Variants in MSRA observed in about 807,000 individuals in gnomAD.
MSRA encodes the protein mitochondrial peptide methionine sulfoxide reductase.
Under a neutral mutation model 31.3 loss-of-function variants are expected in MSRA, and 54 were observed. That is an observed-to-expected ratio of 1.73 (90% CI 1.39 to 2.17). The LOEUF is 2.17. MSRA is among the 30% of genes most tolerant of loss of function. The pLI is 0.00. For synonymous variants in MSRA, 169 were observed against 116.5 expected (o/e 1.45, Z -2.90); for missense variants, 507 against 300.9 (o/e 1.69, Z -5.07).
At chr8:10,244,235 G>A (rs1797493164) in intron 2 of MSRA, among the ~76,000 whole-genome samples, 1 of 152,104 alleles carries the variant, frequency 6.6e-6, no homozygotes, top group African/African-American at 2.4e-5. Flanking sequence ...TCTAGAAGTG[G>A]GCCATAGAAC....
At chr8:10,191,688 G>C (rs191608937) in intron 1 of MSRA, among the ~76,000 whole-genome samples, 10 of 152,126 alleles carry the variant, frequency 6.6e-5, no homozygotes, top group African/African-American at 1.2e-4. Context: ...TCATGTTCTA[G>C]GGGTCGATTT....
intron 2 of MSRA, among the ~76,000 whole-genome samples, chr8:10,226,486 T>C (rs183216903): frequency 6.6e-6 from 1 of 152,196 alleles, no homozygotes; most frequent in Non-Finnish European, 1.5e-5. Context: ...AGAGCTGAGA[T>C]CATTCTACTA....
At chr8:10,350,335 C>G (rs1199020949) in intron 5 of MSRA, among the ~76,000 whole-genome samples, 3 of 152,252 alleles carry the variant, frequency 2.0e-5, no homozygotes, top group Admixed American at 6.5e-5. Flanking sequence ...TGTTCCAAGT[C>G]TTCGGCCGCT....
intron 5 of MSRA, among the ~76,000 whole-genome samples, chr8:10,424,907 G>A (rs1467033844): frequency 6.6e-6 from 1 of 152,228 alleles, no homozygotes; most frequent in Non-Finnish European, 1.5e-5. Flanking sequence ...GCCCACCCCG[G>A]GGGACAGCGA....
At chr8:10,398,357 G>A (rs555479415) in intron 5 of MSRA, among the ~76,000 whole-genome samples, 1 of 152,218 alleles carries the variant, frequency 6.6e-6, no homozygotes, top group African/African-American at 2.4e-5. Flanking sequence ...CTCAGCTTTA[G>A]AGCAGGTCAG....
intron 1 of MSRA, among the ~76,000 whole-genome samples, chr8:10,061,949 C>G (rs1470617812): frequency 6.6e-6 from 1 of 152,218 alleles, no homozygotes; most frequent in Admixed American, 6.5e-5. Flanking sequence ...CACGTGGGGC[C>G]TTGGCCTGCG....
intron 3 of MSRA, among the ~76,000 whole-genome samples, chr8:10,298,574 A>G (rs141072564): frequency 3.3e-5 from 5 of 152,224 alleles, no homozygotes; most frequent in Middle Eastern, 3.4e-3. Flanking sequence ...AACATTGTGA[A>G]TGTACTTAAT....
intron 2 of MSRA, among the ~76,000 whole-genome samples, chr8:10,230,592 T>C (rs1462637423): frequency 6.6e-6 from 1 of 152,248 alleles, no homozygotes; most frequent in African/African-American, 2.4e-5. Context: ...TGTATTTTCT[T>C]CCAGACTATC....
chr8:10,318,228 G>C (rs1357381063), intron 4 of MSRA, among the ~76,000 whole-genome samples: 1 of 152,192 alleles, frequency 6.6e-6, no homozygotes, highest in South Asian at 2.1e-4. Context: ...GTGACCTCAG[G>C]TGGGTCACTG....
chr8:10,222,729 C>A (rs891572741), intron 2 of MSRA, among the ~76,000 whole-genome samples: 2 of 152,108 alleles, frequency 1.3e-5, no homozygotes, highest in Non-Finnish European at 2.9e-5. Context: ...ATGAAATAAG[C>A]CAGGCATAGA....
At chr8:10,363,838 G>A (rs924514522) in intron 5 of MSRA, among the ~76,000 whole-genome samples, 25 of 151,248 alleles carry the variant, frequency 1.7e-4, no homozygotes, top group African/African-American at 5.3e-4. Context: ...AGGCTGAGGT[G>A]GGAGGATGAC....
At chr8:10,100,813 C>G (rs1323870643) in intron 1 of MSRA, among the ~76,000 whole-genome samples, 2 of 152,242 alleles carry the variant, frequency 1.3e-5, no homozygotes, top group Non-Finnish European at 1.5e-5. Flanking sequence ...AGGAGATGAA[C>G]ATTTTCTTCT....
chr8:10,131,587 A>G (rs1240386819), intron 1 of MSRA, among the ~76,000 whole-genome samples: 3 of 152,230 alleles, frequency 2.0e-5, no homozygotes, highest in Admixed American at 6.5e-5. Context: ...ATGAATGGTT[A>G]GGAATCCTAG....
chr8:10,176,568 CTCCTGTT>C (rs1401887977), intron 1 of MSRA, among the ~76,000 whole-genome samples: 2 of 152,246 alleles, frequency 1.3e-5, no homozygotes, highest in African/African-American at 4.8e-5. Flanking sequence ...ATTAGCTCAT[CTCCTGTT>C]TCAGCAGCAG....
In MSRA at chr8:10,270,131, A is replaced by C. The variant is rs897710126; in HGVS notation, c.331+24908A>C. 2.0e-5 allele frequency among the ~76,000 whole-genome samples: 3 copies of C among 152,378 alleles called. No homozygotes were observed. In the East Asian group the frequency reaches 5.8e-4, roughly 29 times the overall value. ...TGTATGAACTGAAAAACTTGAGTCA[A>C]GTTTCACATGGGAGCTTTGGTCTTT... On this transcript the variant is annotated intron_variant, in intron 3 of 5. Coordinates refer to ENST00000317173, the MANE Select transcript of MSRA (RefSeq NM_012331.5).
At chr8:10,395,749 G>A (rs1319185218) in intron 5 of MSRA, among the ~76,000 whole-genome samples, 1 of 152,154 alleles carries the variant, frequency 6.6e-6, no homozygotes, top group African/African-American at 2.4e-5. Context: ...CAGACACTGG[G>A]AAACCCTCCC....
intron 1 of MSRA, among the ~76,000 whole-genome samples, chr8:10,191,052 A>G (rs1292928339): frequency 6.6e-6 from 1 of 152,196 alleles, no homozygotes; most frequent in Non-Finnish European, 1.5e-5. Context: ...ATAGCGTCCC[A>G]TTCTTCTGCT....
At chr8:10,335,388 G>A (rs1426745018) in intron 5 of MSRA, among the ~76,000 whole-genome samples, 1 of 151,166 alleles carries the variant, frequency 6.6e-6, no homozygotes, top group Non-Finnish European at 1.5e-5. Flanking sequence ...CATGCCCCGT[G>A]GCTCCAAAGC....
intron 3 of MSRA, among the ~76,000 whole-genome samples, chr8:10,290,138 A>G (rs1800154318): frequency 6.6e-6 from 1 of 152,202 alleles, no homozygotes; most frequent in Non-Finnish European, 1.5e-5. Context: ...TTCAGACTCC[A>G]AAGTCAGTGC....
Sources: gnomAD v4.1 joint callset for allele counts (sites outside exome capture counted in the v4.1 genomes callset) on GRCh38, gnomAD v4.1.1 for gene constraint, MANE v1.5 for transcripts, NCBI Gene and HGNC (gene_info 2026-07-23, HGNC 2026-07-21) for gene names.